Variants in RANBP2 observed in about 807,000 individuals in gnomAD.
The protein encoded by RANBP2 is E3 SUMO-protein ligase RanBP2.
A neutral mutation model predicts 303.6 loss-of-function variants in RANBP2; 57 were observed. That is an observed-to-expected ratio of 0.19 (90% CI 0.15 to 0.23). The LOEUF (loss-of-function observed/expected upper bound fraction) is 0.23, where lower values mean the gene tolerates loss of function less well. RANBP2 is among the 10% of genes least tolerant of loss of function. The pLI is 1.00. For synonymous variants in RANBP2, 1,167 were observed against 1,301.5 expected, an observed-to-expected ratio of 0.90 and a Z score of 2.23; for missense variants, 3,138 against 3,780.8, an observed-to-expected ratio of 0.83 and a Z score of 4.46.
chr2:109,255,968 C>T, the RANBP2 span, among the ~76,000 whole-genome samples: 1 of 152,212 alleles, frequency 6.6e-6, no homozygotes, highest in Non-Finnish European at 1.5e-5. Flanking sequence ...GAATAGGATG[C>T]ACCTGTCCCC....
downstream of RANBP2, chr2:108,785,944 G>A (rs1423250463): frequency 1.3e-5 from 2 of 152,156 alleles, no homozygotes; most frequent in Non-Finnish European, 1.5e-5. Context: ...TTAGTCCAGA[G>A]ATGCAGCTGA....
chr2:109,333,514 G>A, the RANBP2 span, among the ~76,000 whole-genome samples: 1 of 152,196 alleles, frequency 6.6e-6, no homozygotes. Context: ...TACCCCACCT[G>A]TTTGTGTAAG....
chr2:109,358,525 G>C, the RANBP2 span, among the ~76,000 whole-genome samples: 4,391 of 152,278 alleles, frequency 0.029, 158 homozygotes, highest in African/African-American at 0.089. Context: ...AGCCGTGAAT[G>C]AGCGTTCCTG....
At chr2:109,221,703 A>AT in the RANBP2 span, among the ~76,000 whole-genome samples, 1 of 152,030 alleles carries the variant, frequency 6.6e-6, no homozygotes, top group Non-Finnish European at 1.5e-5. Flanking sequence ...TCCTTCCCCA[A>AT]TTTTTAATGG....
At chr2:109,699,625 C>T in the RANBP2 span, among the ~76,000 whole-genome samples, 3 of 152,178 alleles carry the variant, frequency 2.0e-5, no homozygotes, top group African/African-American at 7.2e-5. Context: ...TCTTCATCCT[C>T]ATTATCTTCA....
At chr2:109,743,022 A>G in the RANBP2 span, among the ~76,000 whole-genome samples, 1 of 148,432 alleles carries the variant, frequency 6.7e-6, no homozygotes, top group Admixed American at 6.7e-5. Flanking sequence ...TGTAATCCCA[A>G]TGCTTTGGGA....
At chr2:109,521,033 C>T in the RANBP2 span, among the ~76,000 whole-genome samples, 5 of 149,660 alleles carry the variant, frequency 3.3e-5, no homozygotes, top group Admixed American at 6.7e-5. Context: ...ATCGAGACCA[C>T]GGTGAAACCC....
chr2:108,874,086 G>A, the RANBP2 span, among the ~76,000 whole-genome samples: 1 of 152,114 alleles, frequency 6.6e-6, no homozygotes, highest in Non-Finnish European at 1.5e-5. Context: ...ATAAAAGTAA[G>A]AGCAGTTTTT....
chr2:108,744,948 ATTTACTTTAT>A (rs1696400406), intron 7 of RANBP2, among the ~76,000 whole-genome samples: 1 of 152,078 alleles, frequency 6.6e-6, no homozygotes, highest in South Asian at 2.1e-4. Context: ...TGAACATTGC[ATTTACTTTAT>A]TTCCATTAAC....
chr2:109,279,092 T>A, the RANBP2 span, among the ~76,000 whole-genome samples: 1 of 152,182 alleles, frequency 6.6e-6, no homozygotes, highest in South Asian at 2.1e-4. Flanking sequence ...CTGTGCCCAT[T>A]AATTTTATGG....
At chr2:108,787,961 T>C, downstream of RANBP2, 4 of 1,241,794 alleles carry the variant, frequency 3.2e-6, 1 homozygote, top group Non-Finnish European at 4.4e-6. Flanking sequence ...ATACATAATT[T>C]GTGGGGAAAT....
At chr2:108,988,273 A>C in the RANBP2 span, among the ~76,000 whole-genome samples, 3 of 152,230 alleles carry the variant, frequency 2.0e-5, no homozygotes, top group Non-Finnish European at 4.4e-5. Context: ...GACATCTCAA[A>C]GCTTGGCTGC....
the RANBP2 span, among the ~76,000 whole-genome samples, chr2:108,898,239 G>A: frequency 6.6e-6 from 1 of 152,186 alleles, no homozygotes; most frequent in Non-Finnish European, 1.5e-5. Flanking sequence ...GCCAGGTGGT[G>A]TCAGGAAAGG....
At chr2:108,925,480 A>G in the RANBP2 span, among the ~76,000 whole-genome samples, 1 of 152,328 alleles carries the variant, frequency 6.6e-6, no homozygotes, top group African/African-American at 2.4e-5. Context: ...GCTCTGTCCC[A>G]CGACTGTGTC....
intron 1 of RANBP2, among the ~76,000 whole-genome samples, chr2:108,723,838 C>T (rs1478487325): frequency 2.0e-5 from 3 of 152,144 alleles, no homozygotes; most frequent in Non-Finnish European, 2.9e-5. Context: ...CAGCAATTTA[C>T]ACCCTCAAAT....
At chr2:109,322,955 C>T in the RANBP2 span, among the ~76,000 whole-genome samples, 1 of 152,106 alleles carries the variant, frequency 6.6e-6, no homozygotes, top group Non-Finnish European at 1.5e-5. Context: ...AGTGGGCAGG[C>T]AATATAAAGA....
the RANBP2 span, among the ~76,000 whole-genome samples, chr2:109,478,213 C>T: frequency 4.6e-5 from 7 of 152,230 alleles, no homozygotes; most frequent in Admixed American, 2.0e-4. Flanking sequence ...TCACACTTCA[C>T]GCTGGCTCCC....
the RANBP2 span, among the ~76,000 whole-genome samples, chr2:109,362,496 T>C: frequency 1.3e-5 from 2 of 152,216 alleles, no homozygotes; most frequent in African/African-American, 4.8e-5. Flanking sequence ...TGGTCTGTCC[T>C]GGTGAATGTT....
the RANBP2 span, among the ~76,000 whole-genome samples, chr2:108,998,330 C>T: frequency 6.6e-6 from 1 of 152,190 alleles, no homozygotes; most frequent in Non-Finnish European, 1.5e-5. Context: ...TCCATATTCT[C>T]CCAGGCTCAT....
Sources: allele counts gnomAD v4.1 joint callset (sites outside exome capture counted in the v4.1 genomes callset), GRCh38; gene constraint gnomAD v4.1.1; transcripts MANE v1.5; gene names NCBI Gene and HGNC (gene_info 2026-07-23, HGNC 2026-07-21).